Variants in SCAPER observed in about 807,000 individuals in gnomAD.
SCAPER encodes the protein S phase cyclin A-associated protein in the endoplasmic reticulum.
Under a neutral mutation model 182.2 loss-of-function variants are expected in SCAPER, and 98 were observed. The ratio of observed to expected loss-of-function variants is 0.54; its 90% CI spans 0.46 to 0.64. The LOEUF (loss-of-function observed/expected upper bound fraction) is 0.64, where lower values mean the gene tolerates loss of function less well. Among genes scored for constraint, SCAPER ranks in the 30% least tolerant of loss-of-function variants. SCAPER has a pLI of 0.00. For missense variants in SCAPER, 1,432 were observed against 1,690.0 expected (o/e 0.85, Z 2.68); for synonymous variants, 605 against 564.6 (o/e 1.07, Z -1.01).
In SCAPER at chr15:76,677,323, CTG is replaced by C. The variant is rs150273547; in HGVS notation, c.2509-11536_2509-11535del. Among the ~76,000 whole-genome samples, 651 of 152,100 alleles carry C rather than the reference CTG, an allele frequency of 4.3e-3. 7 individuals carry two copies. Among genetic ancestry groups the C allele is most frequent in the African/African-American group, 0.015 (623 of 41,484 alleles). On this transcript the variant is annotated intron_variant, in intron 20 of 31. Transcript: ENST00000563290. Reference sequence around the variant, plus strand: ...TTCTAATTAAGCCTTAATAGGGACACTGTTTTTATTTTAGGTATAGAAAAGCA... The same window carrying C: ...TTCTAATTAAGCCTTAATAGGGACACTTTTTATTTTAGGTATAGAAAAGCA...
At chr15:76,448,572 GAAAC>G (rs1179133368) in intron 25 of SCAPER, among the ~76,000 whole-genome samples, 4 of 152,216 alleles carry the variant, frequency 2.6e-5, no homozygotes, top group African/African-American at 9.6e-5. Flanking sequence ...GCTGTTTGTT[GAAAC>G]AAACAAACAC....
chr15:76,574,025 C>A, intron 23 of SCAPER, 133 bp downstream of exon 23: 1 of 814,794 alleles, frequency 1.2e-6, no homozygotes, highest in Non-Finnish European at 1.6e-6. Context: ...AAAAAAAATT[C>A]ATCTATTATT....
intron 18 of SCAPER, among the ~76,000 whole-genome samples, chr15:76,704,093 A>C (rs1464943101): frequency 6.6e-6 from 1 of 152,262 alleles, no homozygotes; most frequent in African/African-American, 2.4e-5. Context: ...ACAATTCATA[A>C]GCACTGAAAT....
chr15:76,379,027 A>T (rs933883717), intron 28 of SCAPER, among the ~76,000 whole-genome samples: 3 of 152,196 alleles, frequency 2.0e-5, no homozygotes, highest in Non-Finnish European at 4.4e-5. Context: ...GAACTCCTAG[A>T]ATCTGTGATC....
intron 26 of SCAPER, among the ~76,000 whole-genome samples, chr15:76,405,113 T>TTTG (rs2044733614): frequency 6.9e-6 from 1 of 145,546 alleles, no homozygotes; most frequent in East Asian, 2.0e-4. Flanking sequence ...CTTACACTTT[T>TTTG]TTTTTTTTTT....
chr15:76,510,327 T>C lies in SCAPER; in HGVS notation c.2839-5353A>G, dbSNP rs558861393. Reference sequence around the variant, plus strand: ...GGAGAAAATCTTCACAATCTATACATCCAACAAAGGACTAATATCTAGAGA... The same window carrying C: ...GGAGAAAATCTTCACAATCTATACACCCAACAAAGGACTAATATCTAGAGA... On this transcript the variant is annotated intron_variant, in intron 23 of 31. Coordinates refer to ENST00000563290, the MANE Select transcript of SCAPER (RefSeq NM_020843.4). 2.0e-5 allele frequency among the ~76,000 whole-genome samples: 3 copies of C among 152,080 alleles called. No individual in the cohort carries two copies. The South Asian group carries it at 6.2e-4, about 32-fold the overall frequency.
intron 29 of SCAPER, among the ~76,000 whole-genome samples, chr15:76,357,941 G>A (rs1300131616): frequency 6.6e-6 from 1 of 152,160 alleles, no homozygotes; most frequent in Non-Finnish European, 1.5e-5. Context: ...GGGAAAGGTG[G>A]GAAAGTGGGA....
chr15:76,883,904 G>T, intron 1 of SCAPER, 28 bp from the exon 2 acceptor site: 1 of 964,764 alleles, frequency 1.0e-6, no homozygotes, highest in Non-Finnish European at 1.5e-6. Flanking sequence ...TATACGCTTA[G>T]TTATAACATT....
At chr15:76,566,802 T>G (rs1006992319) in intron 23 of SCAPER, among the ~76,000 whole-genome samples, 1 of 152,116 alleles carries the variant, frequency 6.6e-6, no homozygotes, top group African/African-American at 2.4e-5. Flanking sequence ...TTGGAGCAAT[T>G]TATTTTACCT....
intron 15 of SCAPER, among the ~76,000 whole-genome samples, chr15:76,753,536 G>A (rs186502405): frequency 1.2e-3 from 186 of 151,998 alleles, no homozygotes; most frequent in Non-Finnish European, 1.7e-3. Context: ...ATATATACAT[G>A]TCAAAACTCA....
At chr15:76,558,532 T>C (rs757961931) in intron 23 of SCAPER, among the ~76,000 whole-genome samples, 1 of 152,198 alleles carries the variant, frequency 6.6e-6, no homozygotes, top group Non-Finnish European at 1.5e-5. Flanking sequence ...GAACAGATGC[T>C]GGTGAAGTTG....
At chr15:76,876,624 ATATT>A (rs2073181259) in intron 2 of SCAPER, among the ~76,000 whole-genome samples, 1 of 152,176 alleles carries the variant, frequency 6.6e-6, no homozygotes, top group South Asian at 2.1e-4. Flanking sequence ...TAATAAATTT[ATATT>A]TATTAACAAC....
chr15:76,447,520 T>C (rs1400252366), intron 25 of SCAPER, among the ~76,000 whole-genome samples: 1 of 151,144 alleles, frequency 6.6e-6, no homozygotes, highest in Admixed American at 6.6e-5. Context: ...GTAGTCAGAA[T>C]TGAATTGAAG....
chr15:76,369,383 A>C (rs1303461756), intron 29 of SCAPER, among the ~76,000 whole-genome samples: 1 of 152,258 alleles, frequency 6.6e-6, no homozygotes, highest in Non-Finnish European at 1.5e-5. Flanking sequence ...TGATTTACAG[A>C]AAGTGGCAAC....
At chr15:76,351,864 ATT>A (rs1394462020) in intron 30 of SCAPER, among the ~76,000 whole-genome samples, 3 of 152,334 alleles carry the variant, frequency 2.0e-5, no homozygotes, top group Non-Finnish European at 4.4e-5. Context: ...AAAACACTTG[ATT>A]TAACTCTACA....
chr15:76,887,422 T>C (rs944274522), intron 1 of SCAPER, among the ~76,000 whole-genome samples: 12 of 152,138 alleles, frequency 7.9e-5, no homozygotes, highest in Admixed American at 1.3e-4. Context: ...TGGCAGACTG[T>C]ACCTGGAAAA....
intron 21 of SCAPER, among the ~76,000 whole-genome samples, chr15:76,634,078 C>G (rs577248859): frequency 1.6e-3 from 237 of 152,364 alleles, no homozygotes; most frequent in Middle Eastern, 0.01. Flanking sequence ...TGCCATGATT[C>G]TGCACAGCTC....
At chr15:76,490,672 G>C (rs1374622488) in intron 24 of SCAPER, among the ~76,000 whole-genome samples, 1 of 151,946 alleles carries the variant, frequency 6.6e-6, no homozygotes, top group Non-Finnish European at 1.5e-5. Flanking sequence ...TTTTGCTTTT[G>C]TGGTCTGTGT....
At chr15:76,489,538 A>G (rs1191494387) in intron 24 of SCAPER, among the ~76,000 whole-genome samples, 1 of 151,902 alleles carries the variant, frequency 6.6e-6, no homozygotes, top group Non-Finnish European at 1.5e-5. Flanking sequence ...TGTAGCTGTT[A>G]AGTCTGGCTT....
Sources: allele counts gnomAD v4.1 joint callset (sites outside exome capture counted in the v4.1 genomes callset), GRCh38; gene constraint gnomAD v4.1.1; transcripts MANE v1.5; gene names NCBI Gene and HGNC (gene_info 2026-07-23, HGNC 2026-07-21).